Variants in PDE1C observed in about 807,000 individuals in gnomAD.
PDE1C encodes the protein dual specificity calcium/calmodulin-dependent 3',5'-cyclic nucleotide phosphodiesterase 1C.
In PDE1C, 62 loss-of-function variants were observed where a neutral mutation model predicts 93.1. The observed-to-expected ratio is 0.67, with a 90% CI of 0.54 to 0.82. PDE1C has a LOEUF of 0.82. Among genes scored for constraint, PDE1C ranks in the 40% least tolerant of loss-of-function variants. The pLI is 0.00. For missense variants in PDE1C, 742 were observed against 884.6 expected (o/e 0.84, Z 2.04); for synonymous variants, 325 against 310.1 (o/e 1.05, Z -0.50).
intron 2 of PDE1C, among the ~76,000 whole-genome samples, chr7:32,024,055 T>A (rs1388640974): frequency 6.6e-6 from 1 of 152,144 alleles, no homozygotes; most frequent in South Asian, 2.1e-4. Context: ...TATGCATCTA[T>A]CATTATTTCA....
chr7:31,896,798 C>T (rs1562991743), intron 2 of PDE1C, among the ~76,000 whole-genome samples: 1 of 152,214 alleles, frequency 6.6e-6, no homozygotes, highest in Non-Finnish European at 1.5e-5. Context: ...ACAACACTTT[C>T]AGCCAAGTAA....
chr7:31,715,341 C>G, the PDE1C span, among the ~76,000 whole-genome samples: 1 of 152,070 alleles, frequency 6.6e-6, no homozygotes, highest in African/African-American at 2.4e-5. Flanking sequence ...CAGATTCAAG[C>G]GATTCTCCTG....
At chr7:31,848,953 G>T (rs1281740599) in intron 8 of PDE1C, among the ~76,000 whole-genome samples, 1 of 152,178 alleles carries the variant, frequency 6.6e-6, no homozygotes, top group Non-Finnish European at 1.5e-5. Flanking sequence ...AGGATTAAGG[G>T]CCTGGTCACA....
chr7:32,422,082 C>T (rs1785442737), intron 1 of PDE1C, among the ~76,000 whole-genome samples: 1 of 152,156 alleles, frequency 6.6e-6, no homozygotes, highest in Non-Finnish European at 1.5e-5. Flanking sequence ...AAAGCAGTTC[C>T]TAGAGGTAAT....
chr7:31,950,477 G>A (rs1203500354), intron 2 of PDE1C, among the ~76,000 whole-genome samples: 1 of 152,138 alleles, frequency 6.6e-6, no homozygotes, highest in African/African-American at 2.4e-5. Flanking sequence ...AGTATGCAGA[G>A]TAGGACAGAA....
intron 2 of PDE1C, among the ~76,000 whole-genome samples, chr7:32,014,001 T>C (rs1281412520): frequency 6.6e-6 from 1 of 152,226 alleles, no homozygotes; most frequent in Non-Finnish European, 1.5e-5. Context: ...CTGCTTAGCT[T>C]AGACCCTCAA....
At chr7:32,332,303 G>A (rs558361251) in intron 1 of PDE1C, among the ~76,000 whole-genome samples, 1 of 152,144 alleles carries the variant, frequency 6.6e-6, no homozygotes, top group South Asian at 2.1e-4. Context: ...TAGCATTAGA[G>A]AAACACAAAA....
At chr7:31,775,566 TG>T in intron 17 of PDE1C, 97 bp downstream of exon 17, 2 of 956,172 alleles carry the variant, frequency 2.1e-6, no homozygotes, top group Non-Finnish European at 3.3e-6. Flanking sequence ...TGGATAACTA[TG>T]GGGCCATGTT....
At chr7:31,875,835 A>ATATATATATATT (rs70989618) in intron 5 of PDE1C, among the ~76,000 whole-genome samples, 2 of 123,600 alleles carry the variant, frequency 1.6e-5, no homozygotes, top group Non-Finnish European at 3.5e-5. Flanking sequence ...ATATATATAT[A>ATATATATATATT]ATGGAAAAAG....
chr7:32,284,169 C>A (rs1304730164), intron 1 of PDE1C, among the ~76,000 whole-genome samples: 2 of 152,212 alleles, frequency 1.3e-5, no homozygotes, highest in African/African-American at 4.8e-5. Context: ...GACTGCACAG[C>A]AAGCCAGAGA....
upstream of PDE1C, among the ~76,000 whole-genome samples, chr7:32,073,601 CA>C (rs1344350401): frequency 1.3e-5 from 2 of 152,080 alleles, no homozygotes; most frequent in African/African-American, 4.8e-5. Context: ...AAACTGAGGC[CA>C]AAATACCACA....
chr7:31,800,576 C>A (rs536339548), intron 16 of PDE1C, among the ~76,000 whole-genome samples: 4 of 151,282 alleles, frequency 2.6e-5, no homozygotes, highest in South Asian at 4.2e-4. Context: ...AGTATCTAAG[C>A]TATTCTGTTG....
At chr7:32,071,086 G>A, upstream of PDE1C, 4 of 985,446 alleles carry the variant, frequency 4.1e-6, no homozygotes, top group Non-Finnish European at 4.8e-6. Flanking sequence ...AGGGGCGCGC[G>A]GGCACCGCCG....
intron 1 of PDE1C, among the ~76,000 whole-genome samples, chr7:32,066,310 T>C (rs1222590804): frequency 1.3e-5 from 2 of 152,126 alleles, no homozygotes; most frequent in South Asian, 2.1e-4. Context: ...ACAAAAACAA[T>C]AGTTGTTGCA....
At chr7:31,778,994 G>C (rs1783202630) in intron 16 of PDE1C, among the ~76,000 whole-genome samples, 2 of 152,090 alleles carry the variant, frequency 1.3e-5, no homozygotes, top group Admixed American at 6.5e-5. Flanking sequence ...TTCAAGCACA[G>C]TCTCCCAAAG....
At chr7:31,700,785 A>G in the PDE1C span, among the ~76,000 whole-genome samples, 1 of 152,168 alleles carries the variant, frequency 6.6e-6, no homozygotes, top group African/African-American at 2.4e-5. Flanking sequence ...CTTATGAATT[A>G]TGTTAAATTG....
intron 2 of PDE1C, among the ~76,000 whole-genome samples, chr7:31,989,098 GA>G (rs1462970764): frequency 1.4e-5 from 2 of 144,588 alleles, no homozygotes; most frequent in Non-Finnish European, 3.0e-5. Flanking sequence ...AACAAAGAAA[GA>G]AAGAAAGAGA....
chr7:32,164,861 T>G (rs1407922296), intron 3 of PDE1C, among the ~76,000 whole-genome samples: 1 of 152,196 alleles, frequency 6.6e-6, no homozygotes, highest in Non-Finnish European at 1.5e-5. Flanking sequence ...CTGTCACTAA[T>G]CAGACTGGAT....
chr7:31,877,893 C>A, intron 5 of PDE1C, 77 bp downstream of exon 5: 1 of 873,694 alleles, frequency 1.1e-6, no homozygotes, highest in Non-Finnish European at 1.8e-6. Context: ...AAATGAAAGC[C>A]TCTTATTTTC....
Sources: gnomAD v4.1 joint callset for allele counts (sites outside exome capture counted in the v4.1 genomes callset) on GRCh38, gnomAD v4.1.1 for gene constraint, MANE v1.5 for transcripts, NCBI Gene and HGNC (gene_info 2026-07-23, HGNC 2026-07-21) for gene names.